The following EIPR1 variants were observed in gnomAD, a reference collection of about 807,000 sequenced individuals.
The protein encoded by EIPR1 is EARP complex and GARP complex interacting protein 1.
EIPR1 carries 25 observed loss-of-function variants against 48.1 expected under a neutral mutation model. That is an observed-to-expected ratio of 0.52 (90% CI 0.38 to 0.73). The LOEUF is 0.73. EIPR1 is among the 30% of genes least tolerant of loss of function. EIPR1 has a pLI of 0.00. For synonymous variants in EIPR1, 204 were observed against 201.9 expected, an observed-to-expected ratio of 1.01 and a Z score of -0.09; for missense variants, 415 against 506.2, an observed-to-expected ratio of 0.82 and a Z score of 1.73.
chr2:3,335,869 C>T (rs552282958), intron 3 of EIPR1, among the ~76,000 whole-genome samples: 157 of 152,270 alleles, frequency 1.0e-3, no homozygotes, highest in African/African-American at 3.4e-3. Flanking sequence ...CTGTTAAGCC[C>T]GCAGAACTGT....
chr2:3,295,692 CCT>C (rs1432765690), intron 3 of EIPR1, among the ~76,000 whole-genome samples: 1 of 124,300 alleles, frequency 8.0e-6, no homozygotes, highest in Non-Finnish European at 1.7e-5. Context: ...ATGCAGCCCT[CCT>C]CTCTCTGCAC....
chr2:3,225,220 A>ATGTGTGTGTGTG lies in EIPR1; in HGVS notation c.417-10973_417-10972insCACACACACACA, dbSNP rs1491346752. ...GTGTATATTTAGGTAGTACACTGTGATATGTGTGTGTGTGTGTGTGTGTGT... is the reference window on the plus strand; with the variant it reads ...GTGTATATTTAGGTAGTACACTGTGATGTGTGTGTGTGTATGTGTGTGTGTGTGTGTGTGTGT... On this transcript the variant is annotated intron_variant, in intron 4 of 8. Transcript: ENST00000382125. Among the ~76,000 whole-genome samples the ATGTGTGTGTGTG allele has an allele frequency of 2.4e-3, 218 of 90,418 alleles. 1 individual carries two copies. Among genetic ancestry groups the ATGTGTGTGTGTG allele is most frequent in the South Asian group, 0.014 (32 of 2,334 alleles). 59.3% of individuals were successfully genotyped at this position (90,418 alleles called of 152,430 possible).
rs540403113 is a variant in EIPR1, at chr2:3,336,653, A to G, written c.259+1364T>C. On this transcript the variant is annotated intron_variant, in intron 3 of 8. Coordinates refer to ENST00000382125, the MANE Select transcript of EIPR1 (RefSeq NM_003310.5). Reference sequence around the variant, plus strand: ...CATGGTGATGTGCACCTGTAATCCCAGCTACTCGGGAGGCTGAGGCAGGAG... The same window carrying G: ...CATGGTGATGTGCACCTGTAATCCCGGCTACTCGGGAGGCTGAGGCAGGAG... 3.9e-5 allele frequency among the ~76,000 whole-genome samples: 6 copies of G among 152,244 alleles called. No homozygotes were observed. In the East Asian group the frequency reaches 1.2e-3, roughly 29 times the overall value.
chr2:3,248,626 C>T (rs1017611218), intron 4 of EIPR1, among the ~76,000 whole-genome samples: 8 of 151,976 alleles, frequency 5.3e-5, no homozygotes, highest in African/African-American at 1.9e-4. Context: ...ACTAGCCGGG[C>T]GTGATGGTGG....
chr2:3,263,988 C>G (rs1295876358), intron 3 of EIPR1, among the ~76,000 whole-genome samples: 3 of 152,228 alleles, frequency 2.0e-5, no homozygotes, highest in Non-Finnish European at 4.4e-5. Flanking sequence ...GAAATCTACT[C>G]TCTTAACAAT....
intron 4 of EIPR1, among the ~76,000 whole-genome samples, chr2:3,218,668 G>C (rs1229492642): frequency 1.3e-5 from 2 of 149,146 alleles, no homozygotes; most frequent in African/African-American, 5.0e-5. Flanking sequence ...ATACACTCTA[G>C]AGCATTCACA....
chr2:3,268,804 T>C (rs1369039008), intron 3 of EIPR1, among the ~76,000 whole-genome samples: 1 of 152,150 alleles, frequency 6.6e-6, no homozygotes, highest in South Asian at 2.1e-4. Context: ...GCTCCGGTGA[T>C]GTGGAGCAGG....
At chr2:3,220,198 T>C (rs1018322241) in intron 4 of EIPR1, among the ~76,000 whole-genome samples, 10 of 152,138 alleles carry the variant, frequency 6.6e-5, no homozygotes, top group Non-Finnish European at 4.4e-5. Flanking sequence ...ACCACTGCCA[T>C]AGAGCATTTA....
intron 3 of EIPR1, among the ~76,000 whole-genome samples, chr2:3,308,597 T>C (rs1282822382): frequency 6.6e-6 from 1 of 152,142 alleles, no homozygotes; most frequent in Non-Finnish European, 1.5e-5. Context: ...AAAGCATTTG[T>C]GGGAATAATG....
chr2:3,365,423 G>A (rs911052210), intron 1 of EIPR1, among the ~76,000 whole-genome samples: 2 of 152,036 alleles, frequency 1.3e-5, no homozygotes, highest in Middle Eastern at 3.2e-3. Flanking sequence ...CATGAGCCAC[G>A]ATCGCACTAC....
At chr2:3,285,147 A>G (rs1198264928) in intron 3 of EIPR1, among the ~76,000 whole-genome samples, 1 of 152,176 alleles carries the variant, frequency 6.6e-6, no homozygotes, top group Non-Finnish European at 1.5e-5. Flanking sequence ...GAGGTCAGCG[A>G]GCCTGTGGCC....
intron 3 of EIPR1, among the ~76,000 whole-genome samples, chr2:3,334,476 C>T (rs1034584712): frequency 4.6e-5 from 7 of 152,250 alleles, no homozygotes; most frequent in African/African-American, 1.4e-4. Context: ...GCACAGCAAG[C>T]TTAGGTCTGT....
Position 3,219,170 on chromosome 2 carries a change from C to T in EIPR1, c.417-4922G>A, listed in dbSNP as rs188059325. ...CAGTGAGTCAGGTGGACACCCAACA[C>T]GGCCCTGATACACTCTAGAGCTTTC... On this transcript the variant is annotated intron_variant, in intron 4 of 8. Transcript: ENST00000382125. Among the ~76,000 whole-genome samples, 319 of 147,298 alleles carry T rather than the reference C, an allele frequency of 2.2e-3. 2 individuals carry two copies. The highest frequency in any genetic ancestry group is 7.2e-3 in the African/African-American group (285 of 39,480).
chr2:3,253,626 T>C (rs1667068420), intron 4 of EIPR1, among the ~76,000 whole-genome samples: 1 of 152,212 alleles, frequency 6.6e-6, no homozygotes, highest in African/African-American at 2.4e-5. Context: ...AGCTAGTCTC[T>C]GTCTGCTTCC....
chr2:3,344,421 G>A (rs1374578817), intron 2 of EIPR1, among the ~76,000 whole-genome samples: 2 of 152,100 alleles, frequency 1.3e-5, no homozygotes, highest in African/African-American at 2.4e-5. Context: ...TCGGCTTCAC[G>A]CTTCAGCTCA....
Position 3,255,330 on chromosome 2 carries a change from G to A in EIPR1, c.416+1969C>T, listed in dbSNP as rs1168901461. On this transcript the variant is annotated intron_variant, in intron 4 of 8. Coordinates refer to ENST00000382125, the MANE Select transcript of EIPR1 (RefSeq NM_003310.5). ...CCCAAATAGCTGGGACTACAGGCAC[G>A]TGCCACCACACACGGCTAATTTTTG... 5.9e-5 allele frequency among the ~76,000 whole-genome samples: 9 copies of A among 152,084 alleles called. No homozygotes were observed. The Middle Eastern group carries it at 0.014, about 230-fold the overall frequency.
At chr2:3,240,708 A>G (rs1666585679) in intron 4 of EIPR1, among the ~76,000 whole-genome samples, 2 of 140,244 alleles carry the variant, frequency 1.4e-5, no homozygotes, top group Admixed American at 7.1e-5. Context: ...AAGCCAGCAG[A>G]TCCCTCCTAA....
chr2:3,212,092 G>A (rs1572300408), intron 5 of EIPR1, among the ~76,000 whole-genome samples: 2 of 152,212 alleles, frequency 1.3e-5, no homozygotes, highest in South Asian at 2.1e-4. Flanking sequence ...AAGATGGCTT[G>A]AATCGATAGG....
At chr2:3,234,169 G>T (rs551737036) in intron 4 of EIPR1, among the ~76,000 whole-genome samples, 70 of 152,312 alleles carry the variant, frequency 4.6e-4, no homozygotes, top group African/African-American at 1.7e-3. Flanking sequence ...CAAAAAACTT[G>T]CAGGAATGAG....
Sources: gnomAD v4.1 joint callset for allele counts (sites outside exome capture counted in the v4.1 genomes callset) on GRCh38, gnomAD v4.1.1 for gene constraint, MANE v1.5 for transcripts, NCBI Gene and HGNC (gene_info 2026-07-23, HGNC 2026-07-21) for gene names.